The following CALD1 variants were observed in gnomAD, a reference collection of about 807,000 sequenced individuals.
CALD1 encodes the protein caldesmon.
In CALD1, 33 loss-of-function variants were observed where a neutral mutation model predicts 99.9. The observed-to-expected ratio is 0.33, with a 90% CI of 0.25 to 0.44. CALD1 has a LOEUF of 0.44. Ranked by LOEUF, CALD1 falls within the 20% of genes least tolerant of loss-of-function variation. The pLI, the probability that CALD1 is intolerant of heterozygous loss-of-function variation, is 1.00. For synonymous variants in CALD1, 310 were observed against 325.0 expected, an observed-to-expected ratio of 0.95 and a Z score of 0.50; for missense variants, 861 against 962.1, an observed-to-expected ratio of 0.89 and a Z score of 1.39.
chr7:134,851,273 C>T (rs988994119), intron 2 of CALD1, among the ~76,000 whole-genome samples: 17 of 152,246 alleles, frequency 1.1e-4, no homozygotes, highest in African/African-American at 2.6e-4. Flanking sequence ...CCATAATACA[C>T]GAACACTGCA....
At chr7:134,716,425 G>A in the CALD1 span, among the ~76,000 whole-genome samples, 250 of 152,310 alleles carry the variant, frequency 1.6e-3, no homozygotes, top group African/African-American at 5.7e-3. Flanking sequence ...ACAAGACTCT[G>A]TGTTGCTTGC....
At chr7:134,793,676 G>C (rs1360203014) in intron 1 of CALD1, among the ~76,000 whole-genome samples, 1 of 152,026 alleles carries the variant, frequency 6.6e-6, no homozygotes, top group Non-Finnish European at 1.5e-5. Context: ...GGGAAAGAAG[G>C]GGCAGTTAAT....
At chr7:134,741,674 C>T (rs1215251251), upstream of CALD1, among the ~76,000 whole-genome samples, 2 of 152,088 alleles carry the variant, frequency 1.3e-5, no homozygotes, top group Non-Finnish European at 2.9e-5. Context: ...CACCTGGGCA[C>T]CAATGCTAGT....
intron 2 of CALD1, among the ~76,000 whole-genome samples, chr7:134,857,345 A>G (rs1005735844): frequency 7.9e-5 from 12 of 151,214 alleles, no homozygotes; most frequent in South Asian, 6.3e-4. Flanking sequence ...AATTTTTTGT[A>G]TTTTTAGTAG....
chr7:134,876,443 C>A (rs1431502857), intron 3 of CALD1, among the ~76,000 whole-genome samples: 1 of 152,154 alleles, frequency 6.6e-6, no homozygotes, highest in Admixed American at 6.5e-5. Context: ...CTACAATGTA[C>A]TGCATGTAGA....
intron 3 of CALD1, among the ~76,000 whole-genome samples, chr7:134,880,203 T>C (rs144539638): frequency 6.6e-6 from 1 of 152,326 alleles, no homozygotes; most frequent in East Asian, 1.9e-4. Flanking sequence ...GAATTTTGCA[T>C]GCTTCATGGG....
At chr7:134,897,256 C>T (rs576144453) in intron 3 of CALD1, among the ~76,000 whole-genome samples, 1 of 152,072 alleles carries the variant, frequency 6.6e-6, no homozygotes, top group Admixed American at 6.5e-5. Flanking sequence ...GTTCTGTTGT[C>T]TTCTGACCTC....
intron 3 of CALD1, among the ~76,000 whole-genome samples, chr7:134,875,741 A>G (rs1801318385): frequency 6.6e-6 from 1 of 152,242 alleles, no homozygotes; most frequent in South Asian, 2.1e-4. Context: ...AATAGACTAA[A>G]CAAAGACTAT....
intron 3 of CALD1, among the ~76,000 whole-genome samples, chr7:134,884,962 A>G (rs1053599554): frequency 6.6e-6 from 1 of 152,152 alleles, no homozygotes; most frequent in African/African-American, 2.4e-5. Context: ...TTTTTGAGAC[A>G]GAGTCTCATT....
intron 6 of CALD1, among the ~76,000 whole-genome samples, chr7:134,939,569 A>T (rs550338640): frequency 6.2e-4 from 95 of 152,346 alleles, no homozygotes; most frequent in African/African-American, 2.1e-3. Context: ...GCAGCATAGA[A>T]GTGAATCCCT....
chr7:134,904,405 A>G (rs572629167), intron 3 of CALD1, among the ~76,000 whole-genome samples: 1 of 151,780 alleles, frequency 6.6e-6, no homozygotes, highest in African/African-American at 2.4e-5. Context: ...ACATGGTGAA[A>G]TCTCGTCTCT....
At chr7:134,875,591 C>T (rs968143214) in intron 3 of CALD1, among the ~76,000 whole-genome samples, 11 of 152,284 alleles carry the variant, frequency 7.2e-5, no homozygotes, top group African/African-American at 2.6e-4. Context: ...GAGCCGAGAT[C>T]ACGCCATTGC....
chr7:134,897,671 G>A (rs1357944992), intron 3 of CALD1, among the ~76,000 whole-genome samples: 3 of 151,610 alleles, frequency 2.0e-5, no homozygotes, highest in East Asian at 3.9e-4. Context: ...TCAGCATGGA[G>A]GTTTTTTGTT....
intron 9 of CALD1, among the ~76,000 whole-genome samples, chr7:134,955,672 C>T (rs776731732): frequency 5.3e-5 from 8 of 152,204 alleles, no homozygotes; most frequent in African/African-American, 1.2e-4. Context: ...AGGGTTCCAC[C>T]GCTCTGATCT....
At chr7:134,925,654 C>G (rs1489558332) in intron 3 of CALD1, among the ~76,000 whole-genome samples, 1 of 152,130 alleles carries the variant, frequency 6.6e-6, no homozygotes, top group Non-Finnish European at 1.5e-5. Context: ...AGAATTCACT[C>G]ACTGTCACGA....
intron 3 of CALD1, among the ~76,000 whole-genome samples, chr7:134,921,768 G>A (rs1804639083): frequency 1.3e-5 from 2 of 152,118 alleles, no homozygotes; most frequent in African/African-American, 4.8e-5. Flanking sequence ...CCGAGATTGG[G>A]CCACTGCACT....
chr7:134,849,301 C>G (rs1377495407), intron 2 of CALD1, among the ~76,000 whole-genome samples: 1 of 152,092 alleles, frequency 6.6e-6, no homozygotes, highest in African/African-American at 2.4e-5. Context: ...ATTATTGTTT[C>G]CTAGATTCTA....
rs1052371212 is a variant in CALD1 at position 134,783,634 on chromosome 7, G to A, written c.-130+3885G>A. 1.3e-5 allele frequency among the ~76,000 whole-genome samples: 2 copies of A among 152,148 alleles called. No individual in the cohort carries two copies. Among genetic ancestry groups the A allele is most frequent in the Non-Finnish European group, 2.9e-5 (2 of 68,032 alleles). ...TCCCTGTGTTGTTCTTCCCTGTGTT[G>A]TTGCTATGGAAACCTTTGAGAATCT... is the stretch of plus-strand genomic sequence containing the variant. On this transcript the variant is annotated intron_variant, in intron 1 of 14. Transcript: ENST00000361675. The surrounding 1 kb of genome is among the most constrained non-coding windows in gnomAD (Gnocchi z 4.3).
intron 1 of CALD1, among the ~76,000 whole-genome samples, chr7:134,756,806 C>G (rs1460364657): frequency 6.6e-6 from 1 of 152,066 alleles, no homozygotes; most frequent in Non-Finnish European, 1.5e-5. Flanking sequence ...TAATTTAGAA[C>G]AAGAGTTCAA....
Sources: allele counts gnomAD v4.1 joint callset (sites outside exome capture counted in the v4.1 genomes callset), GRCh38; gene constraint gnomAD v4.1.1; non-coding constraint Gnocchi (gnomAD v3.1); transcripts MANE v1.5; gene names NCBI Gene and HGNC (gene_info 2026-07-23, HGNC 2026-07-21).